Variants in FAT1 observed in about 807,000 individuals in gnomAD.
FAT1 encodes protocadherin Fat 1.
In FAT1, 171 loss-of-function variants were observed where a neutral mutation model predicts 329.8. That is an observed-to-expected ratio of 0.52 (90% CI 0.46 to 0.59). The LOEUF is 0.59. FAT1 is among the 20% of genes least tolerant of loss of function. The pLI is 0.00. For synonymous variants in FAT1, 2,233 were observed against 2,228.6 expected, an observed-to-expected ratio of 1.00 and a Z score of -0.06; for missense variants, 5,672 against 5,774.4, an observed-to-expected ratio of 0.98 and a Z score of 0.57.
intron 2 of FAT1, among the ~76,000 whole-genome samples, chr4:186,692,548 GT>G: frequency 6.6e-6 from 1 of 152,248 alleles, no homozygotes; most frequent in East Asian, 1.9e-4. Flanking sequence ...TCCTGACCTC[GT>G]GATCCGCCCG....
At chr4:186,590,962 C>T (rs1356868137) in intron 26 of FAT1, among the ~76,000 whole-genome samples, 1 of 152,230 alleles carries the variant, frequency 6.6e-6, no homozygotes, top group Non-Finnish European at 1.5e-5. Flanking sequence ...CACTGTGAGC[C>T]ATTCCCTAAA....
chr4:186,667,543 C>T (rs1413904868), intron 2 of FAT1, among the ~76,000 whole-genome samples: 2 of 152,116 alleles, frequency 1.3e-5, no homozygotes, highest in Non-Finnish European at 2.9e-5. Flanking sequence ...TTAATTATTA[C>T]CTCTTTGTAA....
intron 9 of FAT1, among the ~76,000 whole-genome samples, chr4:186,623,123 T>C (rs1740128017): frequency 6.6e-6 from 1 of 152,256 alleles, no homozygotes; most frequent in South Asian, 2.1e-4. Flanking sequence ...TAAGTCTTAC[T>C]GGCTCTGCAT....
intron 4 of FAT1, among the ~76,000 whole-genome samples, chr4:186,638,628 C>T (rs1740948617): frequency 2.1e-5 from 3 of 144,060 alleles, no homozygotes; most frequent in Admixed American, 1.4e-4. Context: ...CACACACACA[C>T]ACACACACAC....
Position 186,588,343 on chromosome 4 carries a change from G to T in FAT1, c.*249C>A. The T allele has an allele frequency of 6.4e-6, 3 of 470,512 alleles. No homozygotes were observed. The highest frequency in any genetic ancestry group is 3.8e-5 in the African/African-American group (2 of 52,220). 29.1% of individuals were successfully genotyped at this position (470,512 alleles called of 1,614,324 possible). On this transcript the variant is annotated 3_prime_UTR_variant, in exon 27 of 27. Coordinates refer to ENST00000441802, the MANE Select transcript of FAT1 (RefSeq NM_005245.4). Reference sequence around the variant, plus strand: ...ACAACACAGGACTGATTTTTCGTTTGATTATTTTAACACAGACAGATGTAA... The same window carrying T: ...ACAACACAGGACTGATTTTTCGTTTTATTATTTTAACACAGACAGATGTAA...
At chr4:186,590,741 A>G (rs1738202603) in intron 26 of FAT1, 1 of 448,758 alleles carries the variant, frequency 2.2e-6, no homozygotes, top group Admixed American at 2.4e-5. Context: ...CAAAACAAAC[A>G]GGCTCTAATA....
At position 186,619,804 on chromosome 4, in the gene FAT1, G is replaced by A. The variant is rs189912205; in HGVS notation, c.6782C>T (p.Thr2261Met). The change falls in exon 10 of 27, where the codon ACG becomes ATG. Residue 2261 changes from threonine (T) to methionine (M), a missense_variant. Coordinates refer to ENST00000441802, the MANE Select transcript of FAT1 (RefSeq NM_005245.4). ...KLSIRATDSLTGAHAEVFVDI... is the reference protein window; with the variant it reads ...KLSIRATDSLMGAHAEVFVDI... ...CACAAATACTTCAGCATGAGCGCCC[G>A]TCAAGGAGTCAGTTGCGCGTATGCT... 1,002 of 1,613,986 alleles carry A rather than the reference G, an allele frequency of 6.2e-4. 5 individuals carry two copies. Among genetic ancestry groups the A allele is most frequent in the South Asian group, 3.7e-3 (336 of 91,082 alleles).
chr4:186,706,797 A>C lies in FAT1; in HGVS notation c.3031T>G (p.Ser1011Ala), dbSNP rs769633193. The change falls in exon 2 of 27, where the codon TCT becomes GCT. Residue 1011 changes from serine to alanine, a missense_variant. By Grantham distance (99) the Ser-to-Ala change is moderately conservative. Transcript: ENST00000441802. The part of the protein sequence containing the change: ...VRAKDKGKPV[S>A]LSSTCYVEVE... ...TCAACATAGCAAGTAGAAGACAGAG[A>C]AACTGGCTTTCCCTTGTCTTTGGCC... 1 of 1,614,018 alleles carries C rather than the reference A, an allele frequency of 6.2e-7. No individual in the cohort carries two copies. The highest frequency in any genetic ancestry group is 1.1e-5 in the South Asian group (1 of 91,076).
At position 186,636,637 on chromosome 4, in the gene FAT1, C is replaced by A. The variant is rs2126562901; in HGVS notation, c.3920G>T (p.Gly1307Val). The change falls in exon 5 of 27, where the codon GGA becomes GTA. Residue 1307 changes from glycine to valine, a missense_variant. Gly to Val is a moderately radical substitution (Grantham distance 109). This residue lies in a region of FAT1 where 3,966 missense variants were observed against 3,915.2 expected (regional missense o/e 1.01). Coordinates refer to ENST00000441802, the MANE Select transcript of FAT1 (RefSeq NM_005245.4). ...TGAAAACCTCTTGGACGAAACCACT[C>A]CAGTTTTCGGTTCGATGAAAAATTT... ...HGKFFIEPKT[G>V]VVSSKRFSAA... The A allele has an allele frequency of 1.9e-6, 3 of 1,613,926 alleles. No individual in the cohort carries two copies. The highest frequency in any genetic ancestry group is 2.5e-6 in the Non-Finnish European group (3 of 1,179,856).
At chr4:186,614,672 A>G (rs1337771628) in intron 11 of FAT1, among the ~76,000 whole-genome samples, 1 of 152,228 alleles carries the variant, frequency 6.6e-6, no homozygotes, top group East Asian at 1.9e-4. Context: ...CAAAAATGTA[A>G]GTAGTGCTCC....
Position 186,622,680 on chromosome 4 carries a change from G to C in FAT1, c.4811-905C>G, listed in dbSNP as rs141585899. 5.9e-5 allele frequency among the ~76,000 whole-genome samples: 9 copies of C among 152,186 alleles called. No homozygotes were observed. The East Asian group carries it at 1.7e-3, about 29-fold the overall frequency. On this transcript the variant is annotated intron_variant, in intron 9 of 26. Transcript: ENST00000441802. ...GAATATTGTATAATTTTGTATCATCGACTGAATCTTCAAAGAAACAAGCAG... is the reference window on the plus strand; with the variant it reads ...GAATATTGTATAATTTTGTATCATCCACTGAATCTTCAAAGAAACAAGCAG...
Position 186,707,779 on chromosome 4 carries a change from C to G in FAT1, c.2049G>C (p.Leu683=), listed in dbSNP as rs566264587. 6.2e-7 allele frequency: 1 copy of G among 1,613,658 alleles called. No homozygotes were observed. The highest frequency in any genetic ancestry group is 8.5e-7 in the Non-Finnish European group (1 of 1,179,894). The change falls in exon 2 of 27, where the codon CTG becomes CTC. Residue 683 remains leucine, a synonymous_variant. Coordinates refer to ENST00000441802, the MANE Select transcript of FAT1 (RefSeq NM_005245.4). ...TATTTGCCTGCAGGAGCTTCTCTGC[C>G]AGCATTTTGGCAACACCAGTCTCTT... ...QCEETGVAKM[L]AEKLLQANKL...
intron 26 of FAT1, among the ~76,000 whole-genome samples, chr4:186,590,195 C>T (rs1402271927): frequency 4.0e-5 from 6 of 150,606 alleles, no homozygotes; most frequent in South Asian, 2.1e-4. Flanking sequence ...CTTGGAGAGG[C>T]GGGAGAAGGT....
intron 2 of FAT1, among the ~76,000 whole-genome samples, chr4:186,690,257 G>A (rs749891450): frequency 1.3e-5 from 2 of 152,194 alleles, no homozygotes; most frequent in Non-Finnish European, 2.9e-5. Context: ...TCTTAGGACA[G>A]TTGAGGAAGT....
intron 16 of FAT1, among the ~76,000 whole-genome samples, chr4:186,608,423 T>G (rs1030181271): frequency 2.6e-5 from 4 of 152,178 alleles, no homozygotes; most frequent in African/African-American, 9.7e-5. Flanking sequence ...TTTTCTTTCT[T>G]TTTCTGGAGG....
chr4:186,658,989 A>G (rs1742041564), intron 3 of FAT1, among the ~76,000 whole-genome samples: 1 of 152,274 alleles, frequency 6.6e-6, no homozygotes, highest in African/African-American at 2.4e-5. Context: ...CACGCACTGC[A>G]TAACGACGTG....
chr4:186,649,449 T>C (rs1464021660), intron 3 of FAT1, among the ~76,000 whole-genome samples: 1 of 152,186 alleles, frequency 6.6e-6, no homozygotes, highest in Non-Finnish European at 1.5e-5. Flanking sequence ...TAAGCATCCC[T>C]GAAGATGTAA....
chr4:186,618,197 T>C lies in FAT1; in HGVS notation c.8389A>G (p.Ile2797Val), dbSNP rs2126492303. Residue 2797 changes from isoleucine to valine, a missense_variant, in exon 10 of 27, where the codon ATC (isoleucine) becomes GTC (valine). Transcript: ENST00000441802. ...HEMVASVDVS[I>V]QVKDANDNSP... ...TTGTCATTTGCATCTTTCACTTGGA[T>C]ACTAACATCTACAGAAGCCACCATC... The C allele has an allele frequency of 6.2e-7, 1 of 1,614,016 alleles. No individual in the cohort carries two copies. The highest frequency in any genetic ancestry group is 8.5e-7 in the Non-Finnish European group (1 of 1,179,894).
intron 7 of FAT1, among the ~76,000 whole-genome samples, chr4:186,631,124 G>A (rs1445330748): frequency 2.0e-5 from 3 of 152,144 alleles, no homozygotes; most frequent in African/African-American, 7.2e-5. Flanking sequence ...ATCGGCATCT[G>A]CTGCCCCTGA....
Sources: allele counts gnomAD v4.1 joint callset (sites outside exome capture counted in the v4.1 genomes callset), GRCh38; gene constraint gnomAD v4.1.1; regional missense constraint gnomAD v4.1.1; transcripts MANE v1.5; gene names NCBI Gene and HGNC (gene_info 2026-07-23, HGNC 2026-07-21).